Variants in RABGAP1L observed in about 807,000 individuals in gnomAD.
The protein encoded by RABGAP1L is RAB GTPase activating protein 1 like.
A neutral mutation model predicts 137.7 loss-of-function variants in RABGAP1L; 63 were observed. The ratio of observed to expected loss-of-function variants is 0.46; its 90% CI spans 0.37 to 0.56. The LOEUF (loss-of-function observed/expected upper bound fraction) is 0.56. Ranked by LOEUF, RABGAP1L falls within the 20% of genes least tolerant of loss-of-function variation. The pLI, the probability that RABGAP1L is intolerant of heterozygous loss-of-function variation, is 0.00. For synonymous variants in RABGAP1L, 431 were observed against 433.7 expected (o/e 0.99, Z 0.08); for missense variants, 1,095 against 1,244.0 (o/e 0.88, Z 1.80).
At chr1:174,185,944 G>A (rs925028745) in intron 1 of RABGAP1L, among the ~76,000 whole-genome samples, 1 of 152,066 alleles carries the variant, frequency 6.6e-6, no homozygotes, top group Non-Finnish European at 1.5e-5. Context: ...GGGAGTTCGC[G>A]ACCAGCCTGA....
chr1:174,734,752 A>G (rs1428161764), intron 17 of RABGAP1L, among the ~76,000 whole-genome samples: 2 of 152,216 alleles, frequency 1.3e-5, no homozygotes, highest in Non-Finnish European at 2.9e-5. Context: ...CTGGAGGCAT[A>G]TCATGGGTTG....
intron 13 of RABGAP1L, among the ~76,000 whole-genome samples, chr1:174,596,904 G>T (rs1557881055): frequency 6.6e-6 from 1 of 151,794 alleles, no homozygotes; most frequent in East Asian, 1.9e-4. Context: ...GTTTTTTTAG[G>T]TTTTTTTAAA....
intron 11 of RABGAP1L, among the ~76,000 whole-genome samples, chr1:174,341,557 A>C (rs996586242): frequency 6.6e-6 from 1 of 152,172 alleles, no homozygotes; most frequent in Non-Finnish European, 1.5e-5. Context: ...TTCAGAGTAC[A>C]TGTTTTGCAC....
chr1:174,955,135 G>A (rs114765338), intron 19 of RABGAP1L, among the ~76,000 whole-genome samples: 1,558 of 152,266 alleles, frequency 0.01, 27 homozygotes, highest in African/African-American at 0.036. Context: ...CTTGTTAGAG[G>A]TCTCTGGAGA....
At chr1:174,697,652 A>G (rs1308170772) in intron 15 of RABGAP1L, among the ~76,000 whole-genome samples, 1 of 152,160 alleles carries the variant, frequency 6.6e-6, no homozygotes, top group African/African-American at 2.4e-5. Context: ...GCTATTTTGT[A>G]TAGCCATTTG....
At chr1:174,564,467 CATT>C (rs1667435794) in intron 13 of RABGAP1L, among the ~76,000 whole-genome samples, 1 of 152,136 alleles carries the variant, frequency 6.6e-6, no homozygotes, top group Non-Finnish European at 1.5e-5. Flanking sequence ...TTATTATCAC[CATT>C]TTACAGTTGT....
At chr1:174,510,699 T>C (rs947375426) in intron 13 of RABGAP1L, among the ~76,000 whole-genome samples, 6 of 152,268 alleles carry the variant, frequency 3.9e-5, no homozygotes, top group Non-Finnish European at 8.8e-5. Flanking sequence ...CACTCAAAGG[T>C]CAGATATCCC....
intron 14 of RABGAP1L, among the ~76,000 whole-genome samples, chr1:174,639,660 T>C (rs1674363026): frequency 6.6e-6 from 1 of 152,134 alleles, no homozygotes; most frequent in Non-Finnish European, 1.5e-5. Flanking sequence ...GGTTCTAATG[T>C]GCTTGCAGCT....
chr1:174,539,098 C>T (rs868294434), intron 13 of RABGAP1L, among the ~76,000 whole-genome samples: 1 of 151,998 alleles, frequency 6.6e-6, no homozygotes, highest in African/African-American at 2.4e-5. Context: ...CTCCTATTTA[C>T]AGTATAGTTT....
At chr1:174,656,779 G>T (rs1003518201) in intron 14 of RABGAP1L, among the ~76,000 whole-genome samples, 7 of 152,154 alleles carry the variant, frequency 4.6e-5, no homozygotes, top group African/African-American at 1.4e-4. Context: ...TCTGCTTGGT[G>T]GTCAGCTAAT....
intron 13 of RABGAP1L, among the ~76,000 whole-genome samples, chr1:174,541,132 A>G (rs1249809040): frequency 1.3e-5 from 2 of 152,194 alleles, no homozygotes; most frequent in African/African-American, 2.4e-5. Flanking sequence ...ATTTTTGCAC[A>G]TTGATTTTGT....
intron 15 of RABGAP1L, among the ~76,000 whole-genome samples, chr1:174,690,030 T>A (rs972503215): frequency 6.6e-6 from 1 of 152,206 alleles, no homozygotes; most frequent in Non-Finnish European, 1.5e-5. Context: ...TTAATTCTTA[T>A]GAAGTGCTTT....
chr1:174,736,005 C>G (rs1405023858), intron 17 of RABGAP1L, among the ~76,000 whole-genome samples: 1 of 152,188 alleles, frequency 6.6e-6, no homozygotes, highest in Non-Finnish European at 1.5e-5. Context: ...GAATATCCAG[C>G]CCATGTCATT....
At chr1:174,367,653 GA>G in intron 11 of RABGAP1L, 1 of 256,206 alleles carries the variant, frequency 3.9e-6, no homozygotes, top group Admixed American at 5.6e-5. Flanking sequence ...TTTAACACTG[GA>G]AAATAGTGTT....
chr1:174,782,048 G>A (rs1190899284), intron 18 of RABGAP1L, among the ~76,000 whole-genome samples: 2 of 152,150 alleles, frequency 1.3e-5, no homozygotes, highest in African/African-American at 4.8e-5. Context: ...TGGCGATGCG[G>A]GCTCTTTTTT....
At chr1:174,775,910 C>G (rs977602584) in intron 18 of RABGAP1L, among the ~76,000 whole-genome samples, 5 of 152,138 alleles carry the variant, frequency 3.3e-5, no homozygotes, top group African/African-American at 1.2e-4. Flanking sequence ...AGCTGTCATT[C>G]AGAAGATGGA....
chr1:174,189,848 T>A (rs1667081665), intron 1 of RABGAP1L, among the ~76,000 whole-genome samples: 1 of 152,200 alleles, frequency 6.6e-6, no homozygotes, highest in Non-Finnish European at 1.5e-5. Context: ...TGTGTGTGCC[T>A]GTAGTGCCAC....
chr1:174,366,302 C>T (rs1469830168), intron 11 of RABGAP1L, among the ~76,000 whole-genome samples: 3 of 152,136 alleles, frequency 2.0e-5, no homozygotes, highest in African/African-American at 7.2e-5. Context: ...GTTATCTGTC[C>T]TTCAAGTTAC....
At position 174,994,739 on chromosome 1, in the gene RABGAP1L, A is replaced by AT. The variant is rs1469684276; in HGVS notation, c.*4742dup. ...TTGTATCAGTTTCTCTATTTTTGGT[A>AT]TTTTGCATAATGCATGGATCCTTAG... On this transcript the variant is annotated 3_prime_UTR_variant, in exon 26 of 26. Coordinates refer to ENST00000681986, the MANE Select transcript of RABGAP1L (RefSeq NM_001366446.1). The AT allele has an allele frequency of 6.6e-6, 1 of 152,178 alleles. No homozygotes were observed. Among genetic ancestry groups the AT allele is most frequent in the African/African-American group, 2.4e-5 (1 of 41,444 alleles). 9.4% of individuals were successfully genotyped at this position (152,178 alleles called of 1,614,324 possible).
Sources: gnomAD v4.1 joint callset for allele counts (sites outside exome capture counted in the v4.1 genomes callset) on GRCh38, gnomAD v4.1.1 for gene constraint, MANE v1.5 for transcripts, NCBI Gene and HGNC (gene_info 2026-07-23, HGNC 2026-07-21) for gene names.